PEAK1: variants seen among roughly 807,000 people sequenced by gnomAD.
PEAK1 encodes the protein inactive tyrosine-protein kinase PEAK1.
A neutral mutation model predicts 124.7 loss-of-function variants in PEAK1; 54 were observed. That is an observed-to-expected ratio of 0.43 (90% CI 0.35 to 0.54). PEAK1 has a LOEUF of 0.54. Ranked by LOEUF, PEAK1 falls within the 20% of genes least tolerant of loss-of-function variation. PEAK1 has a pLI of 0.01. For synonymous variants in PEAK1, 719 were observed against 760.0 expected (o/e 0.95, Z 0.89); for missense variants, 2,046 against 2,134.5 (o/e 0.96, Z 0.82).
At chr15:77,332,020 T>G (rs964542158) in intron 2 of PEAK1, 2 of 212,242 alleles carry the variant, frequency 9.4e-6, no homozygotes, top group Non-Finnish European at 1.6e-5. Flanking sequence ...GCGGATCACT[T>G]GAGGTCAGGA....
At chr15:77,366,868 A>G (rs1297361408) in intron 1 of PEAK1, among the ~76,000 whole-genome samples, 1 of 152,150 alleles carries the variant, frequency 6.6e-6, no homozygotes, top group African/African-American at 2.4e-5. Context: ...GCAATTGGTA[A>G]AATCTTTCTG....
chr15:77,114,974 C>T lies in PEAK1; in HGVS notation c.4423G>A (p.Val1475Met). 1 of 1,614,126 alleles carries T rather than the reference C, an allele frequency of 6.2e-7. No homozygotes were observed. The highest frequency in any genetic ancestry group is 8.5e-7 in the Non-Finnish European group (1 of 1,180,008). ...CCATGCTGGGCCAGAGAGTCTCGCA[C>T]AAAATCAGCCACAGTAAGACATGGA... The part of the protein sequence containing the change: ...EVPCLTVADF[V>M]RDSLAQHGKS... The change falls in exon 10 of 10, where the codon GTG becomes ATG. Residue 1475 changes from valine to methionine, a missense_variant. Coordinates refer to ENST00000682557, the MANE Select transcript of PEAK1 (RefSeq NM_001385026.1).
intron 2 of PEAK1, among the ~76,000 whole-genome samples, chr15:77,295,827 C>T (rs532166489): frequency 4.6e-5 from 7 of 152,186 alleles, no homozygotes; most frequent in Admixed American, 1.3e-4. Flanking sequence ...TGTTTATAAA[C>T]GAGGGGAGAA....
intron 1 of PEAK1, chr15:77,419,256 G>A: frequency 1.0e-6 from 1 of 985,394 alleles, no homozygotes. Flanking sequence ...GTAGCCAAAG[G>A]AGGAAAAAAC....
intron 5 of PEAK1, among the ~76,000 whole-genome samples, chr15:77,263,502 T>C (rs2061550696): frequency 6.6e-6 from 1 of 152,094 alleles, no homozygotes; most frequent in South Asian, 2.1e-4. Context: ...CTAGAAAATC[T>C]AGAATAAATG....
At chr15:77,227,931 G>C (rs138055115) in intron 6 of PEAK1, among the ~76,000 whole-genome samples, 1 of 152,158 alleles carries the variant, frequency 6.6e-6, no homozygotes, top group East Asian at 1.9e-4. Context: ...AGGGGTTCAA[G>C]GTTGCAGTGA....
intron 6 of PEAK1, among the ~76,000 whole-genome samples, chr15:77,208,507 T>C (rs62008389): frequency 0.013 from 2,037 of 152,318 alleles, 12 homozygotes; most frequent in Non-Finnish European, 0.021. Flanking sequence ...ACAGAACTTA[T>C]ATCAGTGAGG....
At chr15:77,411,411 G>T (rs563865059) in intron 1 of PEAK1, among the ~76,000 whole-genome samples, 10 of 152,286 alleles carry the variant, frequency 6.6e-5, no homozygotes, top group Non-Finnish European at 1.5e-4. Context: ...TGGAAAGGAA[G>T]TAAGAACAGA....
intron 2 of PEAK1, among the ~76,000 whole-genome samples, chr15:77,290,158 C>T (rs1488893347): frequency 1.3e-5 from 2 of 152,062 alleles, no homozygotes; most frequent in Non-Finnish European, 2.9e-5. Flanking sequence ...CAGAGTCTCA[C>T]TCTGTTGCCC....
chr15:77,396,169 T>C (rs2070869378), intron 1 of PEAK1, among the ~76,000 whole-genome samples: 1 of 152,066 alleles, frequency 6.6e-6, no homozygotes, highest in Non-Finnish European at 1.5e-5. Context: ...TTAAAACCCA[T>C]TATCAAATAT....
At chr15:77,289,078 T>C (rs1426258303) in intron 2 of PEAK1, among the ~76,000 whole-genome samples, 1 of 152,216 alleles carries the variant, frequency 6.6e-6, no homozygotes, top group African/African-American at 2.4e-5. Context: ...ATAAAGAGCC[T>C]TAGATACTAT....
At chr15:77,162,799 C>T (rs1224893102) in intron 7 of PEAK1, among the ~76,000 whole-genome samples, 1 of 152,124 alleles carries the variant, frequency 6.6e-6, no homozygotes, top group Non-Finnish European at 1.5e-5. Flanking sequence ...CCCATTTCAT[C>T]CATGAGACAG....
chr15:77,355,745 T>C (rs1430156166), intron 2 of PEAK1: 1 of 984,488 alleles, frequency 1.0e-6, no homozygotes, highest in African/African-American at 1.7e-5. Flanking sequence ...TTGCCTGTAA[T>C]TACGTAAATC....
At chr15:77,153,781 G>A (rs1351743668) in intron 8 of PEAK1, among the ~76,000 whole-genome samples, 3 of 152,162 alleles carry the variant, frequency 2.0e-5, no homozygotes, top group African/African-American at 7.2e-5. Context: ...CAGTTTCCAT[G>A]CAGTTGAGCG....
chr15:77,349,996 T>C (rs1452886881), intron 2 of PEAK1: 14 of 984,876 alleles, frequency 1.4e-5, no homozygotes, highest in Non-Finnish European at 1.7e-5. Flanking sequence ...TATAGGAAGA[T>C]TTCTAGGTTT....
At chr15:77,400,779 G>C (rs2142007720) in intron 1 of PEAK1, among the ~76,000 whole-genome samples, 1 of 152,246 alleles carries the variant, frequency 6.6e-6, no homozygotes, top group South Asian at 2.1e-4. Context: ...TGCTTGGAAA[G>C]ATATCATAGC....
At position 77,158,499 on chromosome 15, in the gene PEAK1, T is replaced by C; in HGVS notation, c.3331+4A>G. On this transcript the variant is annotated splice_donor_region_variant and intron_variant, in intron 8 of 9. Coordinates refer to ENST00000682557, the MANE Select transcript of PEAK1 (RefSeq NM_001385026.1). ...AATACTACTTATTGGACATTTGCAC[T>C]TACCTAAGTTGCTGTATGTTGCACT... 1.2e-6 allele frequency: 2 copies of C among 1,613,066 alleles called. No homozygotes were observed. The highest frequency in any genetic ancestry group is 1.7e-6 in the Non-Finnish European group (2 of 1,179,074).
At chr15:77,392,730 T>TG (rs753024608) in intron 1 of PEAK1, among the ~76,000 whole-genome samples, 3 of 152,190 alleles carry the variant, frequency 2.0e-5, no homozygotes, top group Non-Finnish European at 4.4e-5. Context: ...CGGAGTAAGA[T>TG]GGTCAAATAG....
At chr15:77,408,156 C>T (rs11072654) in intron 1 of PEAK1, among the ~76,000 whole-genome samples, 4,061 of 15,702 alleles carry the variant, frequency 0.26, 83 homozygotes, top group Middle Eastern at 0.42. Flanking sequence ...TATATACATA[C>T]ACACACACAC....
Sources: allele counts gnomAD v4.1 joint callset (sites outside exome capture counted in the v4.1 genomes callset), GRCh38; gene constraint gnomAD v4.1.1; transcripts MANE v1.5; gene names NCBI Gene and HGNC (gene_info 2026-07-23, HGNC 2026-07-21).